PRKG1: variants seen among roughly 807,000 people sequenced by gnomAD.
PRKG1 encodes cGMP-dependent protein kinase 1.
A neutral mutation model predicts 88.1 loss-of-function variants in PRKG1; 35 were observed. The ratio of observed to expected loss-of-function variants is 0.40; its 90% confidence interval spans 0.30 to 0.53. PRKG1 has a LOEUF of 0.53. PRKG1 is among the 20% of genes least tolerant of loss of function. The pLI is 0.59. For missense variants in PRKG1, 540 were observed against 839.8 expected, an observed-to-expected ratio of 0.64 and a Z score of 4.41; for synonymous variants, 303 against 292.5, an observed-to-expected ratio of 1.04 and a Z score of -0.37.
chr10:52,055,620 G>T (rs1356170284), intron 6 of PRKG1, among the ~76,000 whole-genome samples: 2 of 151,964 alleles, frequency 1.3e-5, no homozygotes, highest in Non-Finnish European at 2.9e-5. Context: ...GTTTGTGTTT[G>T]TGTCATTATA....
At chr10:51,550,817 G>A (rs1837110521) in intron 3 of PRKG1, among the ~76,000 whole-genome samples, 1 of 151,852 alleles carries the variant, frequency 6.6e-6, no homozygotes, top group Non-Finnish European at 1.5e-5. Flanking sequence ...TTTCAAACAT[G>A]AAACCAAAAT....
chr10:51,311,768 C>T (rs1224867466), intron 2 of PRKG1, among the ~76,000 whole-genome samples: 1 of 152,128 alleles, frequency 6.6e-6, no homozygotes, highest in Non-Finnish European at 1.5e-5. Flanking sequence ...GATCATCTTC[C>T]CGTAGCTAAA....
chr10:51,556,263 C>A (rs904941378), intron 3 of PRKG1, among the ~76,000 whole-genome samples: 2 of 151,760 alleles, frequency 1.3e-5, no homozygotes, highest in Non-Finnish European at 1.5e-5. Context: ...AAGTTGCTTT[C>A]TGATAATAAA....
intron 3 of PRKG1, among the ~76,000 whole-genome samples, chr10:51,738,363 C>G (rs1837345579): frequency 6.6e-6 from 1 of 152,080 alleles, no homozygotes; most frequent in South Asian, 2.1e-4. Context: ...AATAGAAGAG[C>G]AAGTCACATC....
intron 2 of PRKG1, among the ~76,000 whole-genome samples, chr10:51,369,202 G>T (rs190802314): frequency 6.6e-6 from 1 of 151,820 alleles, no homozygotes; most frequent in Non-Finnish European, 1.5e-5. Flanking sequence ...TTATTCTGTT[G>T]GGCTTCTATA....
intron 5 of PRKG1, among the ~76,000 whole-genome samples, chr10:51,949,207 G>T (rs1376276327): frequency 6.6e-6 from 1 of 152,102 alleles, no homozygotes; most frequent in Non-Finnish European, 1.5e-5. Flanking sequence ...CATATATGTT[G>T]TCTTTTAGGA....
intron 1 of PRKG1, among the ~76,000 whole-genome samples, chr10:51,104,801 CT>C (rs1440695448): frequency 1.3e-5 from 2 of 151,870 alleles, no homozygotes; most frequent in Admixed American, 1.3e-4. Context: ...ACAATCTCGG[CT>C]TACTGCAACC....
intron 4 of PRKG1, among the ~76,000 whole-genome samples, chr10:51,905,969 A>G (rs1001065490): frequency 6.6e-6 from 1 of 152,072 alleles, no homozygotes; most frequent in Non-Finnish European, 1.5e-5. Flanking sequence ...TTCAGTAACA[A>G]AAATCCAATT....
chr10:51,202,089 A>G (rs1189529423), intron 2 of PRKG1, among the ~76,000 whole-genome samples: 2 of 152,170 alleles, frequency 1.3e-5, no homozygotes, highest in Non-Finnish European at 2.9e-5. Flanking sequence ...GACCTTCTCT[A>G]CTAGGTGGGT....
intron 5 of PRKG1, among the ~76,000 whole-genome samples, chr10:52,054,199 G>C (rs993542725): frequency 6.6e-6 from 1 of 152,124 alleles, no homozygotes; most frequent in African/African-American, 2.4e-5. Context: ...TAGCACACCA[G>C]CATGGCACAT....
intron 3 of PRKG1, among the ~76,000 whole-genome samples, chr10:51,469,464 T>C (rs1839989702): frequency 6.6e-6 from 1 of 151,832 alleles, no homozygotes; most frequent in Non-Finnish European, 1.5e-5. Flanking sequence ...TTTTAAGTAG[T>C]TTATTTACAT....
At chr10:52,033,930 G>T in intron 5 of PRKG1, among the ~76,000 whole-genome samples, 1 of 151,284 alleles carries the variant, frequency 6.6e-6, no homozygotes, top group Non-Finnish European at 1.5e-5. Flanking sequence ...GTCAAAGGGG[G>T]GTTGTTCTCT....
At chr10:51,492,556 G>T (rs1019245845) in intron 3 of PRKG1, among the ~76,000 whole-genome samples, 1 of 152,016 alleles carries the variant, frequency 6.6e-6, no homozygotes, top group Non-Finnish European at 1.5e-5. Context: ...TTTGTGCTAT[G>T]TAAATACAGT....
chr10:51,730,484 T>C (rs1224515090), intron 3 of PRKG1, among the ~76,000 whole-genome samples: 2 of 152,180 alleles, frequency 1.3e-5, no homozygotes, highest in African/African-American at 2.4e-5. Context: ...GTGAAAAACA[T>C]AGCTTTTTTT....
chr10:51,574,277 T>A (rs1837831095), intron 3 of PRKG1, among the ~76,000 whole-genome samples: 1 of 151,946 alleles, frequency 6.6e-6, no homozygotes, highest in Admixed American at 6.6e-5. Flanking sequence ...AGACAAAAAA[T>A]GATTCAGTTG....
intron 7 of PRKG1, among the ~76,000 whole-genome samples, chr10:52,123,882 G>A (rs1210483493): frequency 3.9e-5 from 6 of 152,138 alleles, no homozygotes; most frequent in African/African-American, 1.2e-4. Flanking sequence ...GACACTGAAT[G>A]ATGTGGCCCT....
At chr10:51,641,882 C>T (rs1839809686) in intron 3 of PRKG1, among the ~76,000 whole-genome samples, 1 of 152,118 alleles carries the variant, frequency 6.6e-6, no homozygotes, top group African/African-American at 2.4e-5. Context: ...CTAGATTGCT[C>T]ATTCAAACCA....
intron 2 of PRKG1, among the ~76,000 whole-genome samples, chr10:51,272,139 G>T (rs1029949310): frequency 6.6e-6 from 1 of 152,114 alleles, no homozygotes; most frequent in African/African-American, 2.4e-5. Flanking sequence ...ATCTCATTGT[G>T]GTTTTGATTT....
chr10:51,499,098 G>A (rs1840948919), intron 3 of PRKG1, among the ~76,000 whole-genome samples: 4 of 152,156 alleles, frequency 2.6e-5, no homozygotes, highest in Admixed American at 2.6e-4. Flanking sequence ...TTTCAGGTAA[G>A]GAGGCTTTGG....
Sources: allele counts gnomAD v4.1 joint callset (sites outside exome capture counted in the v4.1 genomes callset), GRCh38; gene constraint gnomAD v4.1.1; transcripts MANE v1.5; gene names NCBI Gene and HGNC (gene_info 2026-07-23, HGNC 2026-07-21).